KANSL1: variants seen among roughly 807,000 people sequenced by gnomAD.
KANSL1 encodes the protein KAT8 regulatory NSL complex subunit 1, also known as MLL1/MLL complex subunit KANSL1.
KANSL1 carries 22 observed loss-of-function variants against 103.6 expected under a neutral mutation model. The observed-to-expected ratio is 0.21, with a 90% CI of 0.15 to 0.30. KANSL1 has a LOEUF of 0.30. Among genes scored for constraint, KANSL1 ranks in the 10% least tolerant of loss-of-function variants. The pLI is 1.00. For synonymous variants in KANSL1, 600 were observed against 527.6 expected, an observed-to-expected ratio of 1.14 and a Z score of -1.88; for missense variants, 1,337 against 1,399.8, an observed-to-expected ratio of 0.96 and a Z score of 0.72.
Position 46,052,963 on chromosome 17 carries a change from C to CAAA in KANSL1, c.1849-2260_1849-2259insTTT, listed in dbSNP as rs2077769956. ...TGGGAAAAAGAGTAAGATCCTGTCT[C>CAAA]CAAAAAAAAAAAAAAAAAAAAAAAA... On this transcript the variant is annotated intron_variant, in intron 6 of 14. Transcript: ENST00000432791. Among the ~76,000 whole-genome samples the CAAA allele has an allele frequency of 6.5e-4, 28 of 43,140 alleles. 3 individuals carry two copies. Among genetic ancestry groups the CAAA allele is most frequent in the African/African-American group, 2.8e-3 (27 of 9,806 alleles). The allele number at this position is 43,140 out of a possible 152,430, so 28.3% of individuals were successfully genotyped here.
chr17:46,169,944 G>C (rs987825329), intron 2 of KANSL1, among the ~76,000 whole-genome samples: 1 of 152,142 alleles, frequency 6.6e-6, no homozygotes, highest in African/African-American at 2.4e-5. Flanking sequence ...CAGCCTGGTC[G>C]ACACGGTGAA....
intron 2 of KANSL1, among the ~76,000 whole-genome samples, chr17:46,155,644 CA>C (rs1266719420): frequency 6.6e-6 from 1 of 152,084 alleles, no homozygotes; most frequent in Non-Finnish European, 1.5e-5. Flanking sequence ...TTATTAGTCC[CA>C]AAAGGTTAAT....
intron 1 of KANSL1, among the ~76,000 whole-genome samples, chr17:46,185,847 T>C (rs1437569339): frequency 6.6e-6 from 1 of 152,002 alleles, no homozygotes; most frequent in Non-Finnish European, 1.5e-5. Context: ...CATAGCAAGA[T>C]ACCATCTCAA....
intron 4 of KANSL1, among the ~76,000 whole-genome samples, chr17:46,080,558 A>T (rs1166082867): frequency 6.6e-6 from 1 of 152,186 alleles, no homozygotes; most frequent in Non-Finnish European, 1.5e-5. Context: ...CTTCTTATAC[A>T]GAAAAACTTT....
intron 6 of KANSL1, among the ~76,000 whole-genome samples, chr17:46,058,739 ACACACTCTCTCTCTCTCTCTCTCT>A (rs1250459595): frequency 0.05 from 1,507 of 30,052 alleles, 18 homozygotes; most frequent in African/African-American, 0.097. Context: ...ACACACACAC[ACACACTCTCTCTCTCTCTCTCTCT>A]CTCTCTCTCT....
At chr17:46,208,042 C>T (rs2048030838) in intron 1 of KANSL1, among the ~76,000 whole-genome samples, 2 of 151,134 alleles carry the variant, frequency 1.3e-5, no homozygotes, top group African/African-American at 2.4e-5. Flanking sequence ...ACCTAGGAGG[C>T]GGAGGTTACA....
chr17:46,039,595 A>G (rs949268716), intron 8 of KANSL1, 107 bp downstream of exon 8: 57 of 1,273,748 alleles, frequency 4.5e-5, no homozygotes, highest in Non-Finnish European at 2.7e-5. Flanking sequence ...TTATCGGTCA[A>G]CTGCCTCTCC....
In KANSL1 at chr17:46,171,544, G is replaced by A; in HGVS notation, c.600C>T (p.Asp200=). Residue 200 remains aspartate (D), a synonymous_variant, in exon 2 of 15, where the codon GAC becomes GAT. Coordinates refer to ENST00000432791, the MANE Select transcript of KANSL1 (RefSeq NM_015443.4). ...TGCAATTGGTCATACCCCCCTTCAA[G>A]TCCCCAGATTCAGATCCTCCCATTT... The part of the protein sequence containing the change: ...GGEMGGSESG[D]LKGGMTNCTL... The A allele has an allele frequency of 1.9e-6, 3 of 1,612,132 alleles. No individual in the cohort carries two copies. The highest frequency in any genetic ancestry group is 1.1e-5 in the South Asian group (1 of 90,866).
At chr17:46,058,729 ACACACACACACACACTCT>A (rs1402279998) in intron 6 of KANSL1, among the ~76,000 whole-genome samples, 2 of 73,330 alleles carry the variant, frequency 2.7e-5, no homozygotes, top group East Asian at 5.1e-4. Context: ...ACACACACAC[ACACACACACACACACTCT>A]CTCTCTCTCT....
At chr17:46,135,355 T>C (rs2044076421) in intron 2 of KANSL1, among the ~76,000 whole-genome samples, 2 of 144,130 alleles carry the variant, frequency 1.4e-5, no homozygotes, top group Admixed American at 7.4e-5. Context: ...TCTCTCTGAA[T>C]ATTTCACAAT....
At chr17:46,188,735 TAAGAC>T (rs1181037234) in intron 1 of KANSL1, among the ~76,000 whole-genome samples, 3 of 152,030 alleles carry the variant, frequency 2.0e-5, no homozygotes, top group Non-Finnish European at 4.4e-5. Context: ...AAACTCTAAA[TAAGAC>T]AAGCAAGGGG....
intron 1 of KANSL1, among the ~76,000 whole-genome samples, chr17:46,220,063 A>G (rs1341808033): frequency 1.3e-5 from 2 of 152,006 alleles, no homozygotes; most frequent in African/African-American, 4.8e-5. Context: ...AGATTGCGCC[A>G]CTGCACTCTA....
chr17:46,038,513 C>T (rs368839053), intron 10 of KANSL1, 25 bp downstream of exon 10: 69 of 1,610,952 alleles, frequency 4.3e-5, no homozygotes, highest in Middle Eastern at 1.7e-4. Context: ...AGGGGGTGTC[C>T]GGCCAACCCC....
At chr17:46,101,754 C>CAATAAA (rs2042328570) in intron 2 of KANSL1, among the ~76,000 whole-genome samples, 1 of 93,682 alleles carries the variant, frequency 1.1e-5, no homozygotes, top group African/African-American at 4.8e-5. Flanking sequence ...ACTCTGTCTA[C>CAATAAA]AAAAAAAAAA....
intron 2 of KANSL1, among the ~76,000 whole-genome samples, chr17:46,125,014 G>A (rs1484332031): frequency 2.2e-5 from 3 of 136,904 alleles, no homozygotes; most frequent in Non-Finnish European, 3.2e-5. Context: ...AAAGGGAAGG[G>A]AAGGGAAGGG....
intron 4 of KANSL1, among the ~76,000 whole-genome samples, chr17:46,076,579 T>C (rs2078781115): frequency 8.2e-6 from 1 of 122,218 alleles, no homozygotes; most frequent in Admixed American, 8.7e-5. Flanking sequence ...GTTCAATTGT[T>C]ACCAAAAACA....
intron 2 of KANSL1, 192 bp downstream of exon 2, chr17:46,170,663 C>T: frequency 1.6e-6 from 1 of 643,190 alleles, no homozygotes; most frequent in Non-Finnish European, 2.6e-6. Context: ...AACAATACAA[C>T]CCTACAGCAA....
chr17:46,170,958 G>A lies in KANSL1; in HGVS notation c.1186C>T (p.Gln396Ter), dbSNP rs796052603. The A allele has an allele frequency of 6.2e-7, 1 of 1,614,176 alleles. No homozygotes were observed. The highest frequency in any genetic ancestry group is 8.5e-7 in the Non-Finnish European group (1 of 1,180,052). ...TCAGTGACATCTGAATCAAATGCCT[G>A]TTCACTGCACCTCAAGTTGGCTATG... is the stretch of plus-strand genomic sequence containing the variant. ...SGIANLRCSE[Q>*]AFDSDVTDSS... is the part of the protein sequence containing the mutation. Residue 396 changes from glutamine to a stop codon, truncating the protein, a stop_gained, in exon 2 of 15, where the codon CAG becomes TAG. Transcript: ENST00000432791. LOFTEE classifies it high-confidence loss of function.
chr17:46,200,371 G>A (rs1315137817), intron 1 of KANSL1, among the ~76,000 whole-genome samples: 3 of 152,190 alleles, frequency 2.0e-5, no homozygotes, highest in Non-Finnish European at 2.9e-5. Context: ...TGGAGGGCCT[G>A]ACAAAAGTGA....
Sources: allele counts gnomAD v4.1 joint callset (sites outside exome capture counted in the v4.1 genomes callset), GRCh38; gene constraint gnomAD v4.1.1; transcripts MANE v1.5; gene names NCBI Gene and HGNC (gene_info 2026-07-23, HGNC 2026-07-21).